The following MCCC1 variants were observed in gnomAD, a reference collection of about 807,000 sequenced individuals.
The protein encoded by MCCC1 is methylcrotonoyl-CoA carboxylase subunit alpha, mitochondrial.
In MCCC1, 64 loss-of-function variants were observed where a neutral mutation model predicts 83.8. The observed-to-expected ratio is 0.76, with a 90% CI of 0.62 to 0.94. The LOEUF (loss-of-function observed/expected upper bound fraction) is 0.94. Among genes scored for constraint, MCCC1 ranks in the 40% least tolerant of loss-of-function variants. MCCC1 has a pLI of 0.00. For missense variants in MCCC1, 807 were observed against 904.7 expected (o/e 0.89, Z 1.39); for synonymous variants, 322 against 315.4 (o/e 1.02, Z -0.22).
At chr3:183,020,109 C>T in intron 17 of MCCC1, 21 bp downstream of exon 17, 1 of 1,562,710 alleles carries the variant, frequency 6.4e-7, no homozygotes, top group Non-Finnish European at 8.8e-7. Context: ...GAACATCATT[C>T]TACAGATGTC....
chr3:183,073,070 T>C (rs1354362271), intron 4 of MCCC1, among the ~76,000 whole-genome samples: 1 of 152,222 alleles, frequency 6.6e-6, no homozygotes, highest in East Asian at 1.9e-4. Flanking sequence ...TGTTTATCCA[T>C]TAATCTCTTG....
At position 183,113,480 on chromosome 3, in the gene MCCC1, A is replaced by G. The variant is rs367687848; in HGVS notation, c.-102+1994T>C. On this transcript the variant is annotated intron_variant, in intron 1 of 17. Coordinates refer to the MCCC1 transcript ENST00000492597. ...ACCTAATGTAAATGACGAGTTAATG[A>G]GTGCAGCACACCAACATGGCACATG... is the stretch of plus-strand genomic sequence containing the variant. Among the ~76,000 whole-genome samples, 47 of 151,740 alleles carry G rather than the reference A, an allele frequency of 3.1e-4. 2 individuals carry two copies. Among genetic ancestry groups the G allele is most frequent in the East Asian group, 3.9e-4 (2 of 5,168 alleles).
chr3:183,015,442 T>G lies in MCCC1; in HGVS notation c.2174A>C (p.Glu725Ala), dbSNP rs755048310. The change falls in exon 19 of 19, where the codon GAA becomes GCA. Residue 725 changes from glutamate to alanine, a missense_variant. Physicochemically the swap from Glu to Ala is moderately radical, Grantham distance 107 (BLOSUM62 -1). Transcript: ENST00000265594. ...TGGCCATTTCCTTGCTGGAGTTTATTCCGATTCCCTTTTGTCTGATTCTTC... is the reference window on the plus strand; with the variant it reads ...TGGCCATTTCCTTGCTGGAGTTTATGCCGATTCCCTTTTGTCTGATTCTTC... The part of the protein sequence containing the change: ...EEEESDKRES[E>A] The G allele has an allele frequency of 6.2e-7, 1 of 1,614,172 alleles. No homozygotes were observed. The highest frequency in any genetic ancestry group is 8.5e-7 in the Non-Finnish European group (1 of 1,180,000).
intron 14 of MCCC1, among the ~76,000 whole-genome samples, chr3:183,030,232 C>T (rs896122666): frequency 1.3e-5 from 2 of 152,076 alleles, no homozygotes; most frequent in Non-Finnish European, 2.9e-5. Flanking sequence ...CGCTTGAACC[C>T]GGGAGGCAGA....
chr3:183,087,009 T>A (rs969573631), intron 3 of MCCC1, among the ~76,000 whole-genome samples: 1 of 152,224 alleles, frequency 6.6e-6, no homozygotes, highest in African/African-American at 2.4e-5. Context: ...AACTTGGTTT[T>A]CATGCATAAG....
chr3:183,115,019 G>A (rs1306766071), intron 1 of MCCC1, among the ~76,000 whole-genome samples: 1 of 151,974 alleles, frequency 6.6e-6, no homozygotes, highest in East Asian at 1.9e-4. Context: ...TTTGTTTCAG[G>A]GGACCCATCA....
intron 14 of MCCC1, among the ~76,000 whole-genome samples, chr3:183,033,386 A>G (rs982406693): frequency 6.6e-6 from 1 of 152,198 alleles, no homozygotes; most frequent in African/African-American, 2.4e-5. Context: ...TGACTAAACT[A>G]CTTCACTTCT....
chr3:183,083,559 G>A (rs1389841783), intron 4 of MCCC1, among the ~76,000 whole-genome samples: 1 of 151,958 alleles, frequency 6.6e-6, no homozygotes, highest in African/African-American at 2.4e-5. Flanking sequence ...AACATTCTTT[G>A]AAATATACTT....
chr3:183,053,877 A>ATT (rs1318142804), intron 8 of MCCC1, among the ~76,000 whole-genome samples: 14 of 138,554 alleles, frequency 1.0e-4, no homozygotes, highest in South Asian at 2.3e-4. Flanking sequence ...GCTATAAAGA[A>ATT]TTTTTTTTTT....
chr3:183,030,162 G>T (rs1221522197), intron 14 of MCCC1, among the ~76,000 whole-genome samples: 1 of 152,090 alleles, frequency 6.6e-6, no homozygotes, highest in East Asian at 1.9e-4. Flanking sequence ...ACAAAAATTA[G>T]CTGGGCATGG....
intron 7 of MCCC1, among the ~76,000 whole-genome samples, chr3:183,069,172 T>C (rs1424014265): frequency 6.6e-6 from 1 of 152,218 alleles, no homozygotes; most frequent in Non-Finnish European, 1.5e-5. Flanking sequence ...CCAGGCAATA[T>C]ATACAAAAAA....
chr3:183,032,802 A>T (rs1220531512), intron 14 of MCCC1, among the ~76,000 whole-genome samples: 2 of 151,044 alleles, frequency 1.3e-5, no homozygotes, highest in African/African-American at 2.4e-5. Context: ...CGAACCCAGG[A>T]GGTGGAGCTT....
intron 13 of MCCC1, 77 bp from the exon 14 acceptor site, chr3:183,034,154 T>C: frequency 9.2e-7 from 1 of 1,092,214 alleles, no homozygotes; most frequent in South Asian, 1.3e-5. Flanking sequence ...AAAGAAAACA[T>C]AAAATGCAAG....
At chr3:183,085,217 G>T (rs1717804655) in intron 4 of MCCC1, among the ~76,000 whole-genome samples, 1 of 152,092 alleles carries the variant, frequency 6.6e-6, no homozygotes, top group Non-Finnish European at 1.5e-5. Flanking sequence ...TTTCAATGTT[G>T]TTGTCCCTAC....
intron 8 of MCCC1, among the ~76,000 whole-genome samples, chr3:183,055,467 G>A (rs1340319233): frequency 6.6e-6 from 1 of 152,098 alleles, no homozygotes; most frequent in African/African-American, 2.4e-5. Flanking sequence ...TCCTATGATA[G>A]TTTAACTGTC....
At chr3:183,016,473 C>T (rs186554251) in intron 18 of MCCC1, among the ~76,000 whole-genome samples, 2 of 152,208 alleles carry the variant, frequency 1.3e-5, no homozygotes, top group South Asian at 2.1e-4. Context: ...TCAAATGATC[C>T]GCCTGCCTCT....
intron 13 of MCCC1, among the ~76,000 whole-genome samples, 200 bp from the exon 14 acceptor site, chr3:183,034,277 C>T (rs888529170): frequency 3.3e-5 from 5 of 152,016 alleles, no homozygotes; most frequent in Admixed American, 6.5e-5. Flanking sequence ...GGTGAAACCC[C>T]GTCTCTACTA....
chr3:183,098,436 T>G (rs1412134346), intron 1 of MCCC1: 2 of 152,240 alleles, frequency 1.3e-5, no homozygotes, highest in Non-Finnish European at 2.9e-5. Context: ...CCCAAGGTAC[T>G]CGTATCATCT....
chr3:183,022,504 G>C lies in MCCC1; in HGVS notation c.1782C>G (p.Asp594Glu), dbSNP rs377249142. The change falls in exon 16 of 19, where the codon GAC becomes GAG. Residue 594 changes from aspartate to glutamate, a missense_variant. Transcript: ENST00000265594. ...TAACAGAACATTTCAGGTAAGTGCA[G>C]TCTCCCTCGCTGTAAAGATTACCAA... ...QVLGNLYSEG[D>E]CTYLKCSVNG... 21 of 1,613,780 alleles carry C rather than the reference G, an allele frequency of 1.3e-5. No individual in the cohort carries two copies. The highest frequency in any genetic ancestry group is 1.7e-5 in the Non-Finnish European group (20 of 1,179,838).
Sources: allele counts gnomAD v4.1 joint callset (sites outside exome capture counted in the v4.1 genomes callset), GRCh38; gene constraint gnomAD v4.1.1; transcripts MANE v1.5; gene names NCBI Gene and HGNC (gene_info 2026-07-23, HGNC 2026-07-21).